DNMBP: variants seen among roughly 807,000 people sequenced by gnomAD.
The protein encoded by DNMBP is dynamin-binding protein.
In DNMBP, 87 loss-of-function variants were observed where a neutral mutation model predicts 150.0. The observed-to-expected ratio is 0.58, with a 90% CI of 0.49 to 0.69. DNMBP has a LOEUF of 0.69. Among genes scored for constraint, DNMBP ranks in the 30% least tolerant of loss-of-function variants. The pLI, the probability that DNMBP is intolerant of heterozygous loss-of-function variation, is 0.00. For missense variants in DNMBP, 1,774 were observed against 1,949.0 expected (o/e 0.91, Z 1.69); for synonymous variants, 711 against 750.4 (o/e 0.95, Z 0.86).
chr10:99,972,107 C>A lies in DNMBP; in HGVS notation c.18G>T (p.Val6=). ...GGCAGAAGTCAAAAATGGCTCGAAC[C>A]ACTGAGCCAGCCTCCATGTTTTATA... The part of the protein sequence containing the change: MEAGS[V]VRAIFDFCPS... The change falls in exon 2 of 17, where the codon GTG becomes GTT. Residue 6 remains valine, a synonymous_variant. Coordinates refer to ENST00000324109, the MANE Select transcript of DNMBP (RefSeq NM_015221.4). 1.2e-6 allele frequency: 2 copies of A among 1,613,312 alleles called. No homozygotes were observed. The highest frequency in any genetic ancestry group is 3.3e-4 in the Middle Eastern group (2 of 6,060).
At chr10:100,002,214 G>C (rs895177399) in intron 1 of DNMBP, among the ~76,000 whole-genome samples, 3 of 152,072 alleles carry the variant, frequency 2.0e-5, no homozygotes, top group Admixed American at 6.6e-5. Flanking sequence ...TTTTAGCAGG[G>C]GTTGGTGCTA....
intron 4 of DNMBP, among the ~76,000 whole-genome samples, chr10:99,954,640 A>T (rs2040462118): frequency 6.7e-6 from 1 of 149,406 alleles, no homozygotes; most frequent in Non-Finnish European, 1.5e-5. Context: ...GCTACTCAGG[A>T]GGCTGAGGCA....
chr10:99,915,140 CAT>C (rs537936826), intron 4 of DNMBP, among the ~76,000 whole-genome samples: 4 of 137,228 alleles, frequency 2.9e-5, no homozygotes, highest in South Asian at 2.3e-4. Context: ...CACACACACA[CAT>C]ATATATACAT....
intron 1 of DNMBP, among the ~76,000 whole-genome samples, chr10:100,005,952 C>A (rs1171053940): frequency 6.6e-6 from 1 of 152,110 alleles, no homozygotes; most frequent in East Asian, 1.9e-4. Context: ...GGGAATTCTA[C>A]AACAAAACCA....
At chr10:99,935,576 G>A (rs759616435) in intron 4 of DNMBP, among the ~76,000 whole-genome samples, 2 of 152,046 alleles carry the variant, frequency 1.3e-5, no homozygotes, top group African/African-American at 2.4e-5. Flanking sequence ...TGTTGTTGTT[G>A]TTGTTGAGAT....
At chr10:99,884,293 G>C (rs1210010808) in intron 14 of DNMBP, 84 bp from the exon 15 acceptor site, 4 of 1,263,952 alleles carry the variant, frequency 3.2e-6, no homozygotes, top group Non-Finnish European at 4.5e-6. Flanking sequence ...GCCAGTCTCA[G>C]AAATGAGGCA....
chr10:99,909,153 G>C lies in DNMBP; in HGVS notation c.2261-7C>G. ...GAGGAGAGGAGCGTCATTTCTAGAA[G>C]GGAAAAGAGAACTGGTTAGCAGCTC... On this transcript the variant is annotated splice_polypyrimidine_tract_variant and splice_region_variant and intron_variant, in intron 4 of 16. Transcript: ENST00000324109. The C allele has an allele frequency of 1.2e-6, 2 of 1,611,142 alleles. No individual in the cohort carries two copies. Among genetic ancestry groups the C allele is most frequent in the Non-Finnish European group, 1.7e-6 (2 of 1,178,980 alleles).
At chr10:99,962,208 T>A (rs3121875) in intron 3 of DNMBP, among the ~76,000 whole-genome samples, 1 of 152,184 alleles carries the variant, frequency 6.6e-6, no homozygotes. Flanking sequence ...TTAGAGAGAG[T>A]TGCCCAAAAT....
intron 4 of DNMBP, among the ~76,000 whole-genome samples, chr10:99,910,462 C>T (rs1042725237): frequency 2.0e-5 from 3 of 152,164 alleles, no homozygotes; most frequent in Admixed American, 6.5e-5. Flanking sequence ...ATCACTTGAA[C>T]CCAGGAGGCA....
At chr10:99,954,743 T>C (rs1273868204) in intron 4 of DNMBP, among the ~76,000 whole-genome samples, 22 of 60,044 alleles carry the variant, frequency 3.7e-4, no homozygotes, top group African/African-American at 1.5e-3. Context: ...AAACTCTGTC[T>C]CAAAAAAAAA....
chr10:99,958,124 T>A (rs547624768), intron 3 of DNMBP: 1 of 152,074 alleles, frequency 6.6e-6, no homozygotes, highest in African/African-American at 2.4e-5. Flanking sequence ...CAAGACTCCA[T>A]CTCAAAAAAA....
intron 4 of DNMBP, among the ~76,000 whole-genome samples, chr10:99,912,326 A>G (rs1163492620): frequency 6.6e-6 from 1 of 152,234 alleles, no homozygotes; most frequent in East Asian, 1.9e-4. Context: ...TCTCCTGAGA[A>G]TCAAAATTCT....
chr10:99,877,080 T>A lies in DNMBP; in HGVS notation c.*71A>T. 1 of 1,445,570 alleles carries A rather than the reference T, an allele frequency of 6.9e-7. No individual in the cohort carries two copies. The highest frequency in any genetic ancestry group is 9.4e-7 in the Non-Finnish European group (1 of 1,065,004). 89.5% of individuals were successfully genotyped at this position (1,445,570 alleles called of 1,614,324 possible). A position where few individuals can be genotyped will look rare whatever the true frequency, so the allele number is the denominator to read the frequency against. On this transcript the variant is annotated 3_prime_UTR_variant, in exon 17 of 17. Transcript: ENST00000324109. ...CTGTGTCTCAGGAGCAGGCGCCCTCTCGGTGGGCCGCCAGAACCCTCGGCG... is the reference window on the plus strand; with the variant it reads ...CTGTGTCTCAGGAGCAGGCGCCCTCACGGTGGGCCGCCAGAACCCTCGGCG...
At chr10:99,894,630 T>C (rs1029337245) in intron 11 of DNMBP, among the ~76,000 whole-genome samples, 1 of 152,206 alleles carries the variant, frequency 6.6e-6, no homozygotes, top group Non-Finnish European at 1.5e-5. Flanking sequence ...GCATTCAATA[T>C]TTGATTTTCA....
intron 3 of DNMBP, among the ~76,000 whole-genome samples, chr10:99,961,267 CTTTTTT>C (rs555063019): frequency 2.4e-5 from 2 of 84,728 alleles, no homozygotes; most frequent in Non-Finnish European, 4.4e-5. Context: ...TTCCCTTTTT[CTTTTTT>C]TTTTTTTTTT....
chr10:99,986,736 C>T (rs2040832115), intron 1 of DNMBP, among the ~76,000 whole-genome samples: 1 of 151,800 alleles, frequency 6.6e-6, no homozygotes, highest in Non-Finnish European at 1.5e-5. Context: ...TATATCAAGG[C>T]CCAGAGTATG....
intron 4 of DNMBP, among the ~76,000 whole-genome samples, chr10:99,948,134 T>C (rs1315501971): frequency 1.3e-5 from 2 of 152,158 alleles, no homozygotes; most frequent in African/African-American, 4.8e-5. Context: ...AAGTCTATTA[T>C]CAGGTAGAGA....
chr10:99,979,801 C>A (rs989532340), intron 1 of DNMBP, among the ~76,000 whole-genome samples: 2 of 152,214 alleles, frequency 1.3e-5, no homozygotes, highest in African/African-American at 4.8e-5. Context: ...TTTGTGTAAC[C>A]TTGTCCCACT....
Position 99,924,891 on chromosome 10 carries a change from A to G in DNMBP, c.2261-15745T>C, listed in dbSNP as rs546298908. On this transcript the variant is annotated intron_variant, in intron 4 of 16. Coordinates refer to ENST00000324109, the MANE Select transcript of DNMBP (RefSeq NM_015221.4). ...TCTTGGGAGAAAGACAAAACAGAAG[A>G]TTTTCCTGCTCCACAGCAATTACTG... Among the ~76,000 whole-genome samples, 4 of 152,276 alleles carry G rather than the reference A, an allele frequency of 2.6e-5. No individual in the cohort carries two copies. The South Asian group carries it at 8.3e-4, about 32-fold the overall frequency.
Sources: gnomAD v4.1 joint callset for allele counts (sites outside exome capture counted in the v4.1 genomes callset) on GRCh38, gnomAD v4.1.1 for gene constraint, MANE v1.5 for transcripts, NCBI Gene and HGNC (gene_info 2026-07-23, HGNC 2026-07-21) for gene names.